The following AKNA variants were observed in gnomAD, a reference collection of about 807,000 sequenced individuals.
The protein encoded by AKNA is AT-hook transcription factor, also known as microtubule organization protein AKNA.
In AKNA, 67 loss-of-function variants were observed where a neutral mutation model predicts 138.8. The observed-to-expected ratio is 0.48, with a 90% CI of 0.40 to 0.59. AKNA has a LOEUF of 0.59. AKNA is among the 20% of genes least tolerant of loss of function. The pLI, the probability that AKNA is intolerant of heterozygous loss-of-function variation, is 0.00. For synonymous variants in AKNA, 737 were observed against 754.4 expected (o/e 0.98, Z 0.38); for missense variants, 1,813 against 1,880.4 (o/e 0.96, Z 0.66).
intron 15 of AKNA, 57 bp downstream of exon 15, chr9:114,350,802 T>C (rs533211397): frequency 3.3e-6 from 5 of 1,493,426 alleles, no homozygotes; most frequent in Non-Finnish European, 1.8e-6. Context: ...ACACGTCGCA[T>C]CACGCTCCCG....
At chr9:114,385,129 C>T (rs1014529612) in intron 1 of AKNA, among the ~76,000 whole-genome samples, 6 of 152,200 alleles carry the variant, frequency 3.9e-5, no homozygotes, top group African/African-American at 7.2e-5. Context: ...GCTGGGATTA[C>T]AAGCATGAGC....
intron 7 of AKNA, among the ~76,000 whole-genome samples, chr9:114,362,974 T>C (rs572096245): frequency 5.2e-5 from 8 of 152,388 alleles, no homozygotes; most frequent in South Asian, 2.1e-4. Context: ...CAAATCCTTA[T>C]AGACTATCGA....
chr9:114,349,180 T>TA (rs1238742980), intron 15 of AKNA, among the ~76,000 whole-genome samples: 3 of 151,134 alleles, frequency 2.0e-5, no homozygotes, highest in African/African-American at 4.9e-5. Context: ...CAGAAGGCAC[T>TA]AAAAAAAAAG....
chr9:114,332,365 T>C (rs1829869067), downstream of AKNA, among the ~76,000 whole-genome samples: 1 of 152,108 alleles, frequency 6.6e-6, no homozygotes, highest in South Asian at 2.1e-4. Context: ...ACAGTCACCA[T>C]CCCGATTTTT....
At chr9:114,360,143 G>A (rs545502719) in intron 9 of AKNA, 81 bp from the exon 10 acceptor site, 27 of 1,577,434 alleles carry the variant, frequency 1.7e-5, no homozygotes, top group East Asian at 6.7e-5. Context: ...TGCCAGGCTC[G>A]AGCTGTGGGC....
Position 114,347,816 on chromosome 9 carries a change from G to C in AKNA, c.3306C>G (p.Ser1102Arg). 1.3e-6 allele frequency: 2 copies of C among 1,552,100 alleles called. No homozygotes were observed. The highest frequency in any genetic ancestry group is 1.7e-6 in the Non-Finnish European group (2 of 1,147,606). Residue 1102 changes from serine to arginine, a missense_variant, in exon 16 of 22, where the codon AGC becomes AGG. Transcript: ENST00000374088. ...CAAAGGCAGATGCTGGGCGTGTCGG[G>C]CTGCCCTGGAGTGGCTGGTGCAGGC... is the stretch of plus-strand genomic sequence containing the variant. The part of the protein sequence containing the change: ...EDSLHQPLQG[S>R]PTRPASAFDR...
chr9:114,331,877 T>C (rs199880306), downstream of AKNA: 1 of 1,613,880 alleles, frequency 6.2e-7, no homozygotes, highest in African/African-American at 1.3e-5. Context: ...TACGAAGCTC[T>C]CGACTGCTTG....
intron 14 of AKNA, 53 bp downstream of exon 14, chr9:114,355,872 T>G: frequency 6.4e-7 from 1 of 1,559,196 alleles, no homozygotes. Context: ...CAAGTTTTTC[T>G]ATTTGATTTT....
upstream of AKNA, chr9:114,396,761 C>T (rs1167103650): frequency 6.6e-6 from 1 of 152,126 alleles, no homozygotes; most frequent in African/African-American, 2.4e-5. Flanking sequence ...GCACTCAGAA[C>T]TGAATCCAGG....
At chr9:114,359,544 T>C in intron 11 of AKNA, 50 bp downstream of exon 11, 1 of 1,613,742 alleles carries the variant, frequency 6.2e-7, no homozygotes, top group Non-Finnish European at 8.5e-7. Flanking sequence ...ATCATCCCTG[T>C]GGTTTTAGGG....
Position 114,335,771 on chromosome 9 carries a change from C to CAAAAAAAAAAAAAAAAAAAAAAAA in AKNA, c.*1282_*1283insTTTTTTTTTTTTTTTTTTTTTTTT, listed in dbSNP as rs10610956. The CAAAAAAAAAAAAAAAAAAAAAAAA allele has an allele frequency of 9.8e-6, 1 of 101,680 alleles. No homozygotes were observed. Among genetic ancestry groups the CAAAAAAAAAAAAAAAAAAAAAAAA allele is most frequent in the Non-Finnish European group, 2.0e-5 (1 of 49,222 alleles). 6.3% of individuals were successfully genotyped at this position (101,680 alleles called of 1,614,324 possible). A position where few individuals can be genotyped will look rare whatever the true frequency, so the allele number is the denominator to read the frequency against. ...GGGCAACCAGAGCAAAACTCAGTCTCAAAAAAAAAAAAAAAAAGAAAAAGA... is the reference window on the plus strand; with the variant it reads ...GGGCAACCAGAGCAAAACTCAGTCTCAAAAAAAAAAAAAAAAAAAAAAAAAAAAAAAAAAAAAAAAAGAAAAAGA... On this transcript the variant is annotated 3_prime_UTR_variant, in exon 22 of 22. Coordinates refer to ENST00000374088, the MANE Select transcript of AKNA (RefSeq NM_001317950.2).
intron 18 of AKNA, 199 bp from the exon 19 acceptor site, chr9:114,344,002 C>G: frequency 1.9e-6 from 1 of 534,036 alleles, no homozygotes; most frequent in East Asian, 3.4e-5. Flanking sequence ...CACATACACA[C>G]ATATACGTCA....
At chr9:114,370,696 G>C (rs1832710940) in intron 4 of AKNA, among the ~76,000 whole-genome samples, 1 of 152,198 alleles carries the variant, frequency 6.6e-6, no homozygotes, top group Non-Finnish European at 1.5e-5. Context: ...GAGGACTAGT[G>C]AATTTGGGAA....
At position 114,359,722 on chromosome 9, in the gene AKNA, C is replaced by CTCCTCCTCCTCCTCTCCTTCT. The variant is rs761976799; in HGVS notation, c.2343_2363dup (p.Gly783_Glu789dup). On this transcript the variant is annotated inframe_insertion, in exon 11 of 22. Transcript: ENST00000374088. ...CCAGGGAGTCACCTCCCCCCTCTTC[C>CTCCTCCTCCTCCTCTCCTTCT]TCCTCCTCCTCCTCTCCTTCTTCCT... is the stretch of plus-strand genomic sequence containing the variant. The CTCCTCCTCCTCCTCTCCTTCT allele has an allele frequency of 7.5e-6, 12 of 1,592,906 alleles. No individual in the cohort carries two copies. The Admixed American group carries it at 2.1e-4, about 27-fold the overall frequency.
At chr9:114,364,896 A>G (rs946731227) in intron 6 of AKNA, among the ~76,000 whole-genome samples, 58 of 152,238 alleles carry the variant, frequency 3.8e-4, no homozygotes, top group Non-Finnish European at 7.3e-5. Flanking sequence ...TATTTACTGC[A>G]GCATGAACAG....
chr9:114,376,712 C>T lies in AKNA; in HGVS notation c.1095G>A (p.Gly365=). The change falls in exon 3 of 22, where the codon GGG becomes GGA. Residue 365 remains glycine (G), a synonymous_variant. Coordinates refer to ENST00000374088, the MANE Select transcript of AKNA (RefSeq NM_001317950.2). ...NYPLPDFSKV[G]PRVRFPKDES... ...CATCTTTGGGGAATCTCACCCGGGGCCCTACCTTGGAGAAATCAGGGAGTG... is the reference window on the plus strand; with the variant it reads ...CATCTTTGGGGAATCTCACCCGGGGTCCTACCTTGGAGAAATCAGGGAGTG... The T allele has an allele frequency of 6.2e-7, 1 of 1,612,472 alleles. No individual in the cohort carries two copies. The highest frequency in any genetic ancestry group is 1.1e-5 in the South Asian group (1 of 90,846).
At chr9:114,359,425 C>T (rs1831754295) in intron 11 of AKNA, 169 bp downstream of exon 11, 4 of 1,336,320 alleles carry the variant, frequency 3.0e-6, no homozygotes, top group African/African-American at 1.5e-5. Context: ...TCCCACACTA[C>T]CCAAAATCAT....
At chr9:114,367,324 G>C (rs1588994670) in intron 6 of AKNA, among the ~76,000 whole-genome samples, 1 of 152,074 alleles carries the variant, frequency 6.6e-6, no homozygotes, top group African/African-American at 2.4e-5. Context: ...GCCAAAAAGG[G>C]GGGTGAGACC....
intron 16 of AKNA, 130 bp from the exon 17 acceptor site, chr9:114,346,914 C>T (rs1328901728): frequency 5.5e-6 from 4 of 725,938 alleles, no homozygotes; most frequent in Non-Finnish European, 8.8e-6. Flanking sequence ...GAAGTCAAAG[C>T]CAGACTCTGA....
Sources: allele counts gnomAD v4.1 joint callset (sites outside exome capture counted in the v4.1 genomes callset), GRCh38; gene constraint gnomAD v4.1.1; transcripts MANE v1.5; gene names NCBI Gene and HGNC (gene_info 2026-07-23, HGNC 2026-07-21).